CCM2: variants seen among roughly 807,000 people sequenced by gnomAD.
The protein encoded by CCM2 is CCM2 scaffold protein.
A neutral mutation model predicts 44.9 loss-of-function variants in CCM2; 25 were observed. The observed-to-expected ratio is 0.56, with a 90% CI of 0.41 to 0.78. CCM2 has a LOEUF of 0.78. Ranked by LOEUF, CCM2 falls within the 30% of genes least tolerant of loss-of-function variation. The pLI, the probability that CCM2 is intolerant of heterozygous loss-of-function variation, is 0.00. For missense variants in CCM2, 481 were observed against 580.6 expected (o/e 0.83, Z 1.76); for synonymous variants, 219 against 241.1 (o/e 0.91, Z 0.85).
intron 2 of CCM2, among the ~76,000 whole-genome samples, chr7:45,055,788 A>G (rs534075862): frequency 2.6e-5 from 4 of 152,324 alleles, no homozygotes; most frequent in Admixed American, 2.6e-4. Context: ...CCATCTCCAG[A>G]GCTTCCCACC....
rs1004288957 is a variant in CCM2, at chr7:45,076,372, G to A, written c.*315G>A. The A allele has an allele frequency of 3.5e-5, 19 of 537,746 alleles. No individual in the cohort carries two copies. Among genetic ancestry groups the A allele is most frequent in the Admixed American group, 3.1e-4 (11 of 36,010 alleles). 33.3% of individuals were successfully genotyped at this position (537,746 alleles called of 1,614,324 possible). On this transcript the variant is annotated 3_prime_UTR_variant, in exon 10 of 10. Transcript: ENST00000258781. ...AGTCCTGTCGGCTGGGCCCTTGGAC[G>A]GCTGTCAGTTTTGCACATGATGTTC...
intron 2 of CCM2, among the ~76,000 whole-genome samples, chr7:45,055,600 A>T (rs1798219983): frequency 6.6e-6 from 1 of 152,268 alleles, no homozygotes; most frequent in East Asian, 1.9e-4. Flanking sequence ...GAGGCAGATA[A>T]CTGCTTGAAC....
chr7:45,030,869 G>A (rs1160992326), intron 1 of CCM2, among the ~76,000 whole-genome samples: 1 of 151,978 alleles, frequency 6.6e-6, no homozygotes, highest in Non-Finnish European at 1.5e-5. Flanking sequence ...GACTACAGGT[G>A]TGCACCACCA....
chr7:45,000,615 C>T (rs933849265), intron 1 of CCM2, among the ~76,000 whole-genome samples: 3 of 152,296 alleles, frequency 2.0e-5, no homozygotes, highest in Non-Finnish European at 2.9e-5. Flanking sequence ...GACGGCCTTC[C>T]CTGCGCGTCG....
At chr7:45,000,594 C>T (rs1394689226) in intron 1 of CCM2, among the ~76,000 whole-genome samples, 17 of 152,144 alleles carry the variant, frequency 1.1e-4, no homozygotes, top group Admixed American at 9.8e-4. Context: ...CTCGCCCCGA[C>T]CTCGGCCCCA....
At chr7:45,037,013 C>G (rs1797253030) in intron 1 of CCM2, among the ~76,000 whole-genome samples, 1 of 152,088 alleles carries the variant, frequency 6.6e-6, no homozygotes, top group South Asian at 2.1e-4. Flanking sequence ...AGTCACGGCT[C>G]TGGTTTTTGC....
At chr7:45,014,323 T>C (rs1334539457) in intron 1 of CCM2, among the ~76,000 whole-genome samples, 5 of 152,036 alleles carry the variant, frequency 3.3e-5, no homozygotes, top group Admixed American at 3.3e-4. Flanking sequence ...GTATTTTTAG[T>C]AGAGACAGGG....
At position 45,028,093 on chromosome 7, in the gene CCM2, A is replaced by G. The variant is rs540827637; in HGVS notation, c.31-10160A>G. The stretch of plus-strand genomic sequence containing the variant: ...AGGAAGAAGAAGCCACAGGTTTTAC[A>G]TCTTCCACGGAGAAGTAATTTTCCT... On this transcript the variant is annotated intron_variant, in intron 1 of 9. Coordinates refer to ENST00000258781, the MANE Select transcript of CCM2 (RefSeq NM_031443.4). Among the ~76,000 whole-genome samples the G allele has an allele frequency of 3.9e-5, 6 of 152,362 alleles. No homozygotes were observed. The South Asian group carries it at 8.3e-4, about 21-fold the overall frequency.
At chr7:45,063,413 T>C (rs1798617587) in intron 2 of CCM2, among the ~76,000 whole-genome samples, 1 of 152,228 alleles carries the variant, frequency 6.6e-6, no homozygotes, top group African/African-American at 2.4e-5. Context: ...CTGTTGCATG[T>C]GGGGACTAAG....
At chr7:45,046,347 A>G (rs536417574) in intron 2 of CCM2, among the ~76,000 whole-genome samples, 3 of 152,392 alleles carry the variant, frequency 2.0e-5, no homozygotes, top group African/African-American at 4.8e-5. Flanking sequence ...TCTGATTTCA[A>G]GATAGATCAT....
At chr7:45,044,876 T>A (rs1277803260) in intron 2 of CCM2, among the ~76,000 whole-genome samples, 1 of 152,178 alleles carries the variant, frequency 6.6e-6, no homozygotes, top group Non-Finnish European at 1.5e-5. Flanking sequence ...GATTTTTAAT[T>A]CAAAAGTTAT....
chr7:45,073,414 G>A (rs780929083), intron 7 of CCM2, 46 bp from the exon 8 acceptor site: 8 of 1,336,318 alleles, frequency 6.0e-6, no homozygotes, highest in Non-Finnish European at 2.2e-6. Context: ...TGTGTGGGAT[G>A]GAGGGTCGGG....
intron 2 of CCM2, among the ~76,000 whole-genome samples, chr7:45,051,457 G>A (rs1046248068): frequency 2.6e-5 from 4 of 152,140 alleles, no homozygotes; most frequent in African/African-American, 7.2e-5. Context: ...GAGTGCAGTG[G>A]CGTGGTCTTG....
At position 45,074,417 on chromosome 7, in the gene CCM2, G is replaced by A; in HGVS notation, c.1054+9G>A. The A allele has an allele frequency of 6.2e-7, 1 of 1,611,180 alleles. No individual in the cohort carries two copies. Among genetic ancestry groups the A allele is most frequent in the Non-Finnish European group, 8.5e-7 (1 of 1,178,534 alleles). ...CAAGTTCCTGCTGCTTGGTGAGTGG[G>A]CCCTGGAAAGAGGGTGGCTTGTCCA... On this transcript the variant is annotated intron_variant, in intron 9 of 9. Transcript: ENST00000258781.
rs540157690 is a variant in CCM2, at chr7:45,006,123, A to G, written c.30+5760A>G. On this transcript the variant is annotated intron_variant, in intron 1 of 9. Transcript: ENST00000258781. The stretch of plus-strand genomic sequence containing the variant: ...CAGGCTTTGGTAAGAGTGATCAGGA[A>G]CACCTTTATGAAAACTTCAAAAGCA... Among the ~76,000 whole-genome samples, 88 of 152,244 alleles carry G rather than the reference A, an allele frequency of 5.8e-4. 1 individual carries two copies. Among genetic ancestry groups the G allele is most frequent in the African/African-American group, 1.9e-3 (79 of 41,526 alleles).
intron 2 of CCM2, among the ~76,000 whole-genome samples, chr7:45,039,903 T>TACTTGGTG (rs1797400492): frequency 6.6e-6 from 1 of 151,940 alleles, no homozygotes; most frequent in Non-Finnish European, 1.5e-5. Flanking sequence ...GGCAGGCGCC[T>TACTTGGTG]GTAATCCCAG....
chr7:45,033,042 C>T (rs111808865), intron 1 of CCM2, among the ~76,000 whole-genome samples: 33 of 32,146 alleles, frequency 1.0e-3, no homozygotes, highest in African/African-American at 6.6e-3. Flanking sequence ...AAAACTCCGT[C>T]TCAAAAAAAA....
At chr7:45,007,714 G>C (rs985441651) in intron 1 of CCM2, among the ~76,000 whole-genome samples, 1 of 152,172 alleles carries the variant, frequency 6.6e-6, no homozygotes, top group Non-Finnish European at 1.5e-5. Context: ...TGCAGCTTAG[G>C]ATGATGGTGT....
In CCM2 at chr7:45,064,540, G is replaced by A; in HGVS notation, c.366G>A (p.Leu122=). The A allele has an allele frequency of 6.2e-7, 1 of 1,614,040 alleles. No homozygotes were observed. Among genetic ancestry groups the A allele is most frequent in the Non-Finnish European group, 8.5e-7 (1 of 1,180,012 alleles). ...VLSLSAYNVK[L]AWRDGEDIIL... ...GCCTGTCTGCGTACAACGTCAAGCT[G>A]GCCTGGAGGGACGGGGAGGATATCA... is the stretch of plus-strand genomic sequence containing the variant. The change falls in exon 4 of 10, where the codon CTG becomes CTA. Residue 122 remains leucine (L), a synonymous_variant. Coordinates refer to ENST00000258781, the MANE Select transcript of CCM2 (RefSeq NM_031443.4).
Sources: gnomAD v4.1 joint callset for allele counts (sites outside exome capture counted in the v4.1 genomes callset) on GRCh38, gnomAD v4.1.1 for gene constraint, MANE v1.5 for transcripts, NCBI Gene and HGNC (gene_info 2026-07-23, HGNC 2026-07-21) for gene names.